ANKRD6: variants seen among roughly 807,000 people sequenced by gnomAD.
The protein encoded by ANKRD6 is ankyrin repeat domain-containing protein 6.
In ANKRD6, 56 loss-of-function variants were observed where a neutral mutation model predicts 82.3. That is an observed-to-expected ratio of 0.68 (90% CI 0.55 to 0.85). ANKRD6 has a LOEUF of 0.85. Among genes scored for constraint, ANKRD6 ranks in the 40% least tolerant of loss-of-function variants. ANKRD6 has a pLI of 0.00. For missense variants in ANKRD6, 852 were observed against 907.6 expected, an observed-to-expected ratio of 0.94 and a Z score of 0.79; for synonymous variants, 347 against 352.1, an observed-to-expected ratio of 0.99 and a Z score of 0.16.
rs1245221089 is a variant in ANKRD6, at chr6:89,595,978, G to A, written c.183G>A (p.Leu61=). The part of the protein sequence containing the change: ...NKGHLPVVQI[L]LKAGCDLDVQ... ...GCCATCTTCCTGTGGTCCAGATCTT[G>A]CTGAAGGCTGGCTGCGACCTTGATG... Residue 61 remains leucine, a synonymous_variant, in exon 3 of 16, where the codon TTG becomes TTA. Coordinates refer to ENST00000339746, the MANE Select transcript of ANKRD6 (RefSeq NM_001242809.2). 1 of 1,610,920 alleles carries A rather than the reference G, an allele frequency of 6.2e-7. No homozygotes were observed. The highest frequency in any genetic ancestry group is 1.7e-5 in the Admixed American group (1 of 59,656).
intron 5 of ANKRD6, among the ~76,000 whole-genome samples, chr6:89,611,713 C>T (rs1466495478): frequency 6.6e-6 from 1 of 152,222 alleles, no homozygotes. Context: ...TTTGATGTTT[C>T]AAGAAAAATA....
Position 89,630,557 on chromosome 6 carries a change from G to A in ANKRD6, c.1737G>A (p.Ser579=), listed in dbSNP as rs3210511. Residue 579 remains serine (S), a synonymous_variant, in exon 16 of 16, where the codon TCG becomes TCA. Coordinates refer to ENST00000339746, the MANE Select transcript of ANKRD6 (RefSeq NM_001242809.2). ...TATQRLQQEL[S]SSDCTGSRLR... is the part of the protein sequence containing the mutation. ...CCCAGAGACTCCAGCAGGAGCTGTC[G>A]TCTTCTGACTGTACAGGCTCCCGAC... The A allele has an allele frequency of 0.5, 805,729 of 1,613,514 alleles. 208,020 individuals carry two copies. The highest frequency in any genetic ancestry group is 0.92 in the East Asian group (41,090 of 44,866).
At chr6:89,497,115 C>A (rs1411914600) in intron 1 of ANKRD6, among the ~76,000 whole-genome samples, 1 of 152,102 alleles carries the variant, frequency 6.6e-6, no homozygotes, top group Admixed American at 6.6e-5. Context: ...TAGGTTTGAT[C>A]TGAGGTGATT....
At chr6:89,456,154 T>C (rs2127963654) in intron 1 of ANKRD6, among the ~76,000 whole-genome samples, 2 of 152,292 alleles carry the variant, frequency 1.3e-5, no homozygotes, top group Middle Eastern at 6.8e-3. Context: ...TATTTCTTTA[T>C]AGCAGTGCAA....
At chr6:89,544,129 C>T (rs1198246174) in intron 1 of ANKRD6, among the ~76,000 whole-genome samples, 3 of 150,342 alleles carry the variant, frequency 2.0e-5, no homozygotes, top group Non-Finnish European at 3.0e-5. Context: ...ATGGTTGGCT[C>T]TTCTGATCTT....
In ANKRD6 at chr6:89,555,994, C is replaced by T. The variant is rs546400228; in HGVS notation, c.-143-10840C>T. Among the ~76,000 whole-genome samples the T allele has an allele frequency of 2.0e-5, 3 of 152,252 alleles. No homozygotes were observed. In the East Asian group the frequency reaches 5.8e-4, roughly 29 times the overall value. On this transcript the variant is annotated intron_variant, in intron 1 of 15. Coordinates refer to ENST00000339746, the MANE Select transcript of ANKRD6 (RefSeq NM_001242809.2). ...AAATTCAGCCCATAATTAGCAGTCC[C>T]ACTAGCCCCCTGTATGGTCTGTTTA...
At chr6:89,629,321 G>A (rs551631590) in intron 15 of ANKRD6, 83 bp downstream of exon 15, 34 of 1,570,176 alleles carry the variant, frequency 2.2e-5, no homozygotes, top group African/African-American at 9.4e-5. Flanking sequence ...AAGGCAGTAC[G>A]TATGCTAGGG....
chr6:89,606,244 G>A, intron 5 of ANKRD6, 139 bp downstream of exon 5: 2 of 634,490 alleles, frequency 3.2e-6, no homozygotes, highest in South Asian at 5.4e-5. Flanking sequence ...ATTCGGCCCA[G>A]AAGTTTCATT....
intron 4 of ANKRD6, among the ~76,000 whole-genome samples, chr6:89,605,123 A>G (rs1293455490): frequency 1.3e-5 from 2 of 152,242 alleles, no homozygotes; most frequent in Admixed American, 6.5e-5. Flanking sequence ...ACGGTGGCTC[A>G]CGCCTGTAAT....
chr6:89,552,078 C>G (rs1442188511), intron 1 of ANKRD6, among the ~76,000 whole-genome samples: 1 of 152,246 alleles, frequency 6.6e-6, no homozygotes, highest in Non-Finnish European at 1.5e-5. Context: ...CAAACTTGCT[C>G]ATGGCTAATC....
chr6:89,624,823 C>A, intron 13 of ANKRD6, 132 bp downstream of exon 13: 1 of 944,664 alleles, frequency 1.1e-6, no homozygotes. Flanking sequence ...AGGCCTGCTT[C>A]TGCTTATGTG....
chr6:89,606,088 G>A lies in ANKRD6; in HGVS notation c.400G>A (p.Val134Met), dbSNP rs368972696. ...GCTGCTCATTAAAGCAGGAGCCAAC[G>A]TGCTTGCCAAGAACAAGGTGAGGCC... Reference protein sequence around the residue: ...AKLLIKAGANVLAKNKAGNTA... With the variant: ...AKLLIKAGANMLAKNKAGNTA... Residue 134 changes from valine (V) to methionine (M), a missense_variant, in exon 5 of 16, where the codon GTG becomes ATG. Val to Met is a conservative substitution (Grantham distance 21). Transcript: ENST00000339746. 9 of 1,574,872 alleles carry A rather than the reference G, an allele frequency of 5.7e-6. No individual in the cohort carries two copies. The highest frequency in any genetic ancestry group is 4.6e-5 in the East Asian group (2 of 43,210).
At chr6:89,602,612 TC>T (rs963495053) in intron 3 of ANKRD6, 1 of 175,342 alleles carries the variant, frequency 5.7e-6, no homozygotes, top group African/African-American at 2.3e-5. Flanking sequence ...TGGACAGTGG[TC>T]CCCCTGCAAG....
chr6:89,573,029 C>T (rs56231337), intron 2 of ANKRD6, among the ~76,000 whole-genome samples: 50,795 of 151,836 alleles, frequency 0.33, 8,743 homozygotes, highest in South Asian at 0.59. Context: ...GGTGTGAACA[C>T]GGCTCACTGC....
At chr6:89,595,058 T>C (rs1795609274) in intron 2 of ANKRD6, among the ~76,000 whole-genome samples, 1 of 152,102 alleles carries the variant, frequency 6.6e-6, no homozygotes, top group Non-Finnish European at 1.5e-5. Context: ...AGCGTAGAAT[T>C]TTTTTTTAAA....
rs754694661 is a variant in ANKRD6 at position 89,630,839 on chromosome 6, G to A, written c.2019G>A (p.Glu673=). The A allele has an allele frequency of 6.2e-7, 1 of 1,613,844 alleles. No homozygotes were observed. The highest frequency in any genetic ancestry group is 2.2e-5 in the East Asian group (1 of 44,892). ...QALELTQYFF[E]AVSTQMEKWY... is the part of the protein sequence containing the mutation. The stretch of plus-strand genomic sequence containing the variant: ...TGGAGCTTACCCAGTATTTTTTTGA[G>A]GCTGTTTCTACCCAGATGGAAAAGT... The change falls in exon 16 of 16, where the codon GAG becomes GAA. Residue 673 remains glutamate (E), a synonymous_variant. Coordinates refer to ENST00000339746, the MANE Select transcript of ANKRD6 (RefSeq NM_001242809.2).
At chr6:89,622,167 G>A in intron 10 of ANKRD6, 141 bp downstream of exon 10, 1 of 721,720 alleles carries the variant, frequency 1.4e-6, no homozygotes, top group Non-Finnish European at 2.3e-6. Flanking sequence ...TCAAACTGTT[G>A]CCAGTCTTTT....
At chr6:89,472,183 A>C (rs1260584445) in intron 1 of ANKRD6, among the ~76,000 whole-genome samples, 1 of 152,138 alleles carries the variant, frequency 6.6e-6, no homozygotes, top group East Asian at 1.9e-4. Context: ...TCTATAAGAC[A>C]CAAGTCACAT....
At chr6:89,498,996 A>T (rs899704611) in intron 1 of ANKRD6, among the ~76,000 whole-genome samples, 6 of 152,170 alleles carry the variant, frequency 3.9e-5, no homozygotes, top group African/African-American at 1.4e-4. Context: ...TGGAAATCTC[A>T]ATGTTCAATT....
Sources: gnomAD v4.1 joint callset for allele counts (sites outside exome capture counted in the v4.1 genomes callset) on GRCh38, gnomAD v4.1.1 for gene constraint, MANE v1.5 for transcripts, NCBI Gene and HGNC (gene_info 2026-07-23, HGNC 2026-07-21) for gene names.